Variants in CFAP206 observed in about 807,000 individuals in gnomAD.
CFAP206 encodes the protein cilia- and flagella-associated protein 206.
A neutral mutation model predicts 65.4 loss-of-function variants in CFAP206; 53 were observed. That is an observed-to-expected ratio of 0.81 (90% CI 0.65 to 1.02). The LOEUF (loss-of-function observed/expected upper bound fraction) is 1.02. Among genes scored for constraint, CFAP206 ranks in the 50% least tolerant of loss-of-function variants. CFAP206 has a pLI of 0.00. For missense variants in CFAP206, 663 were observed against 753.2 expected, an observed-to-expected ratio of 0.88 and a Z score of 1.40; for synonymous variants, 250 against 254.4, an observed-to-expected ratio of 0.98 and a Z score of 0.17.
At chr6:87,450,475 ATGTGTG>A (rs55870560) in intron 11 of CFAP206, among the ~76,000 whole-genome samples, 2,816 of 130,362 alleles carry the variant, frequency 0.022, 100 homozygotes, top group African/African-American at 0.07. Context: ...ATAAATGAAA[ATGTGTG>A]TGTGTGTGTG....
intron 7 of CFAP206, among the ~76,000 whole-genome samples, chr6:87,420,907 G>A (rs1442090955): frequency 6.6e-6 from 1 of 152,114 alleles, no homozygotes; most frequent in Non-Finnish European, 1.5e-5. Flanking sequence ...TGCTCAAACA[G>A]TCTTTTTTGT....
At chr6:87,453,173 C>T (rs188127308) in intron 11 of CFAP206, among the ~76,000 whole-genome samples, 11 of 151,658 alleles carry the variant, frequency 7.3e-5, no homozygotes, top group African/African-American at 2.2e-4. Context: ...GAGAATGGCA[C>T]GACATACTTA....
chr6:87,463,955 T>G (rs968021002), intron 12 of CFAP206, 65 bp from the exon 13 acceptor site: 1 of 1,286,452 alleles, frequency 7.8e-7, no homozygotes, highest in Non-Finnish European at 1.1e-6. Flanking sequence ...AACTGGTATC[T>G]GATAATATTT....
At chr6:87,453,229 T>A (rs941392829) in intron 11 of CFAP206, among the ~76,000 whole-genome samples, 3 of 152,044 alleles carry the variant, frequency 2.0e-5, no homozygotes, top group African/African-American at 7.2e-5. Flanking sequence ...ATGGTATATA[T>A]CTGATGAAAA....
At chr6:87,423,391 G>T (rs1255402022) in intron 7 of CFAP206, among the ~76,000 whole-genome samples, 13 of 151,956 alleles carry the variant, frequency 8.6e-5, no homozygotes, top group Admixed American at 8.5e-4. Flanking sequence ...TGGGACTACA[G>T]GCGCCCGCCA....
chr6:87,464,437 G>A lies in CFAP206; in HGVS notation c.*187G>A. The A allele has an allele frequency of 2.3e-6, 1 of 428,052 alleles. No homozygotes were observed. The highest frequency in any genetic ancestry group is 4.1e-6 in the Non-Finnish European group (1 of 244,098). 26.5% of individuals were successfully genotyped at this position (428,052 alleles called of 1,614,324 possible). A position where few individuals can be genotyped will look rare whatever the true frequency, so the allele number is the denominator to read the frequency against. On this transcript the variant is annotated 3_prime_UTR_variant, in exon 13 of 13. Coordinates refer to ENST00000369562, the MANE Select transcript of CFAP206 (RefSeq NM_001031743.3). ...ACACATTTTTCATTCTGTTGAAATT[G>A]AAAAATAAAACTGTCCATTTATCTT...
At chr6:87,445,676 T>C (rs980247791) in intron 11 of CFAP206, among the ~76,000 whole-genome samples, 1 of 152,196 alleles carries the variant, frequency 6.6e-6, no homozygotes, top group African/African-American at 2.4e-5. Context: ...TACACATGCA[T>C]GTATCTTTAT....
chr6:87,415,963 T>C (rs1238915007), intron 5 of CFAP206, 89 bp downstream of exon 5: 9 of 1,032,712 alleles, frequency 8.7e-6, no homozygotes, highest in Non-Finnish European at 1.2e-5. Context: ...GTGTTAAAGA[T>C]TGAAGTTCCC....
Position 87,421,084 on chromosome 6 carries a change from A to C in CFAP206, c.840+2668A>C, listed in dbSNP as rs147178539. Among the ~76,000 whole-genome samples, 613 of 152,346 alleles carry C rather than the reference A, an allele frequency of 4.0e-3. 5 individuals carry two copies. The highest frequency in any genetic ancestry group is 0.013 in the African/African-American group (557 of 41,578). On this transcript the variant is annotated intron_variant, in intron 7 of 12. Transcript: ENST00000369562. ...ATTTTTCCTATATTAAAATCTATGA[A>C]TATTCGTTTTAAAGTCACATTATTT...
intron 10 of CFAP206, among the ~76,000 whole-genome samples, chr6:87,433,774 G>A (rs1768201429): frequency 6.6e-6 from 1 of 152,042 alleles, no homozygotes; most frequent in African/African-American, 2.4e-5. Context: ...TAACATTTTA[G>A]CAAAATAAAA....
Position 87,410,602 on chromosome 6 carries a change from G to C in CFAP206, c.126G>C (p.Leu42=), listed in dbSNP as rs749988492. The C allele has an allele frequency of 5.0e-6, 8 of 1,613,792 alleles. No individual in the cohort carries two copies. The highest frequency in any genetic ancestry group is 6.8e-6 in the Non-Finnish European group (8 of 1,179,750). ...LIAFMVKAVV[L]DPSNGFNMDR... ...TTTTCTAGGTGAAAGCTGTTGTCCTGGATCCAAGTAATGGCTTTAACATGG... is the reference window on the plus strand; with the variant it reads ...TTTTCTAGGTGAAAGCTGTTGTCCTCGATCCAAGTAATGGCTTTAACATGG... The change falls in exon 3 of 13, where the codon CTG becomes CTC. Residue 42 remains leucine (L), a synonymous_variant. Transcript: ENST00000369562.
chr6:87,448,689 A>G (rs1206228062), intron 11 of CFAP206, among the ~76,000 whole-genome samples: 5 of 151,276 alleles, frequency 3.3e-5, no homozygotes, highest in African/African-American at 1.2e-4. Flanking sequence ...CCACTATTCT[A>G]CTCCCTACTT....
chr6:87,448,523 C>T (rs1768486304), intron 11 of CFAP206, among the ~76,000 whole-genome samples: 1 of 152,168 alleles, frequency 6.6e-6, no homozygotes, highest in South Asian at 2.1e-4. Context: ...TCAGAATCCT[C>T]TCCTCTGGCT....
At chr6:87,457,508 A>T (rs192816434) in intron 11 of CFAP206, among the ~76,000 whole-genome samples, 1 of 152,346 alleles carries the variant, frequency 6.6e-6, no homozygotes, top group East Asian at 1.9e-4. Context: ...CCCAGAAATA[A>T]ATCCATACAT....
At chr6:87,431,240 G>T in intron 10 of CFAP206, 67 bp downstream of exon 10, 1 of 1,428,654 alleles carries the variant, frequency 7.0e-7, no homozygotes, top group African/African-American at 1.4e-5. Context: ...TTCTGTCATT[G>T]TCACTTGAAT....
chr6:87,428,301 T>C (rs1010559056), intron 8 of CFAP206, among the ~76,000 whole-genome samples: 2 of 151,998 alleles, frequency 1.3e-5, no homozygotes, highest in African/African-American at 4.8e-5. Flanking sequence ...TTTTTTTTTT[T>C]TTCTTAAGAC....
chr6:87,449,436 CAAAAAAAAAAAAA>C (rs34540279), intron 11 of CFAP206, among the ~76,000 whole-genome samples: 1 of 53,060 alleles, frequency 1.9e-5, no homozygotes, highest in African/African-American at 6.4e-5. Context: ...GACTCCATCT[CAAAAAAAAAAAAA>C]AAAAAAAAAA....
intron 4 of CFAP206, among the ~76,000 whole-genome samples, chr6:87,415,292 A>G (rs2127947760): frequency 6.6e-6 from 1 of 150,938 alleles, no homozygotes; most frequent in South Asian, 2.1e-4. Flanking sequence ...GTGCTTACAT[A>G]TAGCATAAAT....
At chr6:87,450,163 T>C (rs1768515412) in intron 11 of CFAP206, among the ~76,000 whole-genome samples, 1 of 152,212 alleles carries the variant, frequency 6.6e-6, no homozygotes. Flanking sequence ...TTCTGTATTC[T>C]ATTCTATTAG....
Sources: gnomAD v4.1 joint callset for allele counts (sites outside exome capture counted in the v4.1 genomes callset) on GRCh38, gnomAD v4.1.1 for gene constraint, MANE v1.5 for transcripts, NCBI Gene and HGNC (gene_info 2026-07-23, HGNC 2026-07-21) for gene names.